The following DLG2 variants were observed in gnomAD, a reference collection of about 807,000 sequenced individuals.
DLG2 encodes disks large homolog 2.
DLG2 carries 45 observed loss-of-function variants against 132.5 expected under a neutral mutation model. That is an observed-to-expected ratio of 0.34 (90% confidence interval 0.27 to 0.44). The LOEUF (loss-of-function observed/expected upper bound fraction) is 0.44. Among genes scored for constraint, DLG2 ranks in the 20% least tolerant of loss-of-function variants. DLG2 has a pLI of 1.00. For synonymous variants in DLG2, 424 were observed against 419.6 expected, an observed-to-expected ratio of 1.01 and a Z score of -0.13; for missense variants, 1,045 against 1,196.9, an observed-to-expected ratio of 0.87 and a Z score of 1.87.
At chr11:84,317,205 A>G in intron 7 of DLG2, 2 of 1,538,142 alleles carry the variant, frequency 1.3e-6, no homozygotes, top group Non-Finnish European at 1.7e-6. Context: ...CTCCTCCCTC[A>G]CACCCCTTTC....
chr11:85,195,789 G>A (rs1446172519), intron 4 of DLG2, among the ~76,000 whole-genome samples: 1 of 152,088 alleles, frequency 6.6e-6, no homozygotes, highest in Non-Finnish European at 1.5e-5. Context: ...GCCTCCCAAA[G>A]TGCTGGGATT....
chr11:84,568,927 T>C (rs1000989323), intron 6 of DLG2, among the ~76,000 whole-genome samples: 1 of 152,162 alleles, frequency 6.6e-6, no homozygotes. Flanking sequence ...ATTTCACCTA[T>C]CTTGAACGGT....
At chr11:84,135,825 G>T (rs1170037416) in intron 9 of DLG2, among the ~76,000 whole-genome samples, 1 of 152,082 alleles carries the variant, frequency 6.6e-6, no homozygotes. Flanking sequence ...TGGTTTATTT[G>T]AACAAAGATC....
At chr11:84,270,384 G>C (rs1352658697) in intron 7 of DLG2, among the ~76,000 whole-genome samples, 1 of 152,158 alleles carries the variant, frequency 6.6e-6, no homozygotes, top group South Asian at 2.1e-4. Context: ...GTTAACTCTA[G>C]GGGAGGATCT....
chr11:84,297,463 C>G (rs1336965584), intron 7 of DLG2, among the ~76,000 whole-genome samples: 1 of 152,156 alleles, frequency 6.6e-6, no homozygotes, highest in Non-Finnish European at 1.5e-5. Flanking sequence ...GGAATCCACA[C>G]TATTTAATCC....
Position 84,415,387 on chromosome 11 carries a change from T to C in DLG2, c.519+119183A>G, listed in dbSNP as rs17147324. 3.7e-3 allele frequency among the ~76,000 whole-genome samples: 560 copies of C among 152,284 alleles called. 1 individual carries two copies. Among genetic ancestry groups the C allele is most frequent in the African/African-American group, 0.013 (522 of 41,566 alleles). ...TTAAACACATGATATTATTATCATA[T>C]TGAGTGAACCATTATGAACATTATG... On this transcript the variant is annotated intron_variant, in intron 7 of 27. Coordinates refer to ENST00000376104, the MANE Select transcript of DLG2 (RefSeq NM_001142699.3).
At chr11:83,516,178 C>T (rs1248906998) in intron 21 of DLG2, among the ~76,000 whole-genome samples, 1 of 152,158 alleles carries the variant, frequency 6.6e-6, no homozygotes, top group African/African-American at 2.4e-5. Context: ...TTGTAGGTCT[C>T]TAAGGACTTG....
chr11:83,533,015 T>C (rs2095795616), intron 20 of DLG2, among the ~76,000 whole-genome samples: 1 of 149,806 alleles, frequency 6.7e-6, no homozygotes, highest in Non-Finnish European at 1.5e-5. Context: ...GTCATGGTAT[T>C]TGTAAGCAAC....
chr11:84,851,049 T>C (rs1054945117), intron 6 of DLG2, among the ~76,000 whole-genome samples: 1 of 152,068 alleles, frequency 6.6e-6, no homozygotes, highest in Non-Finnish European at 1.5e-5. Context: ...CTCAAATTAA[T>C]AGGAATAAGT....
chr11:84,879,512 G>C (rs891550729), intron 6 of DLG2, among the ~76,000 whole-genome samples: 1 of 152,058 alleles, frequency 6.6e-6, no homozygotes, highest in Non-Finnish European at 1.5e-5. Flanking sequence ...GTTTGTGTGT[G>C]GGTGGTATTC....
intron 18 of DLG2, among the ~76,000 whole-genome samples, chr11:83,763,473 G>C (rs1215426788): frequency 6.6e-6 from 1 of 152,064 alleles, no homozygotes; most frequent in Non-Finnish European, 1.5e-5. Flanking sequence ...ATTGCAAATT[G>C]CTCTCTTCAT....
chr11:84,162,237 C>A (rs940186228), intron 9 of DLG2, among the ~76,000 whole-genome samples: 1 of 151,846 alleles, frequency 6.6e-6, no homozygotes, highest in African/African-American at 2.4e-5. Flanking sequence ...AACATTACCC[C>A]AAAATCCTTA....
intron 12 of DLG2, among the ~76,000 whole-genome samples, chr11:83,975,566 A>G (rs71465580): frequency 0.043 from 6,468 of 152,128 alleles, 197 homozygotes; most frequent in Non-Finnish European, 0.067. Flanking sequence ...TAGAATATTT[A>G]CAAAGGTCAC....
At chr11:85,094,914 A>T (rs904974363) in intron 6 of DLG2, among the ~76,000 whole-genome samples, 1 of 152,112 alleles carries the variant, frequency 6.6e-6, no homozygotes, top group African/African-American at 2.4e-5. Flanking sequence ...CTAGCTTTTG[A>T]TTGAAAGTGA....
chr11:84,228,756 TG>T (rs1327820415), intron 8 of DLG2, among the ~76,000 whole-genome samples: 5 of 152,218 alleles, frequency 3.3e-5, no homozygotes, highest in African/African-American at 1.2e-4. Flanking sequence ...ACCCTACTAC[TG>T]CTTATGCTAA....
At chr11:85,290,097 T>A (rs1278400078) in intron 3 of DLG2, among the ~76,000 whole-genome samples, 1 of 152,132 alleles carries the variant, frequency 6.6e-6, no homozygotes, top group African/African-American at 2.4e-5. Flanking sequence ...TTCATTTACT[T>A]GTATTCCCTC....
At chr11:85,355,425 C>T (rs968917022) in intron 3 of DLG2, among the ~76,000 whole-genome samples, 4 of 151,962 alleles carry the variant, frequency 2.6e-5, no homozygotes, top group Non-Finnish European at 5.9e-5. Flanking sequence ...ATCAAACATA[C>T]TCCCTGTGAA....
intron 9 of DLG2, among the ~76,000 whole-genome samples, chr11:84,156,185 AT>A (rs1248657664): frequency 3.9e-5 from 6 of 152,144 alleles, no homozygotes; most frequent in African/African-American, 1.4e-4. Context: ...TACTATCACA[AT>A]CTGAGCCGCT....
intron 7 of DLG2, among the ~76,000 whole-genome samples, chr11:84,313,972 C>A (rs960465403): frequency 6.6e-6 from 1 of 152,142 alleles, no homozygotes; most frequent in African/African-American, 2.4e-5. Context: ...TTGAGAGGGA[C>A]AGAAGCTGAT....
Sources: allele counts gnomAD v4.1 joint callset (sites outside exome capture counted in the v4.1 genomes callset), GRCh38; gene constraint gnomAD v4.1.1; transcripts MANE v1.5; gene names NCBI Gene and HGNC (gene_info 2026-07-23, HGNC 2026-07-21).